The following HDAC1 variants were observed in gnomAD, a reference collection of about 807,000 sequenced individuals.
The protein encoded by HDAC1 is protein deacetylase HDAC1.
Under a neutral mutation model 65.5 loss-of-function variants are expected in HDAC1, and 18 were observed. The observed-to-expected ratio is 0.27, with a 90% CI of 0.19 to 0.41. The LOEUF is 0.41. Among genes scored for constraint, HDAC1 ranks in the 10% least tolerant of loss-of-function variants. HDAC1 has a pLI of 1.00. For missense variants in HDAC1, 373 were observed against 625.2 expected (o/e 0.60, Z 4.30); for synonymous variants, 211 against 227.9 (o/e 0.93, Z 0.67).
intron 3 of HDAC1, among the ~76,000 whole-genome samples, chr1:32,317,945 G>C (rs776880988): frequency 6.6e-6 from 1 of 152,074 alleles, no homozygotes; most frequent in Non-Finnish European, 1.5e-5. Context: ...TAGCCCCTCT[G>C]GTGTTATTTC....
intron 1 of HDAC1, 131 bp from the exon 2 acceptor site, chr1:32,302,490 T>C (rs878878549): frequency 2.3e-6 from 1 of 429,660 alleles, no homozygotes. Context: ...CTTCAAAAGG[T>C]GGGAGAGAAT....
intron 1 of HDAC1, among the ~76,000 whole-genome samples, chr1:32,299,305 A>G (rs1251603951): frequency 1.3e-5 from 2 of 151,946 alleles, no homozygotes; most frequent in Non-Finnish European, 2.9e-5. Context: ...GTTGGCCTGC[A>G]CTGTTGGAGG....
intron 1 of HDAC1, among the ~76,000 whole-genome samples, chr1:32,301,099 G>A (rs899094415): frequency 1.1e-4 from 17 of 152,190 alleles, no homozygotes; most frequent in African/African-American, 4.1e-4. Flanking sequence ...AGCAGGAGAT[G>A]AAGCTGGAAA....
At chr1:32,299,462 G>A (rs1640815906) in intron 1 of HDAC1, among the ~76,000 whole-genome samples, 1 of 152,068 alleles carries the variant, frequency 6.6e-6, no homozygotes, top group African/African-American at 2.4e-5. Flanking sequence ...CTGTCTCAGA[G>A]CCCCACCCTC....
In HDAC1 at chr1:32,333,087, T is replaced by C. The variant is rs779004814; in HGVS notation, c.*43T>C. On this transcript the variant is annotated 3_prime_UTR_variant, in exon 14 of 14. Transcript: ENST00000373548. ...TGGCTTCCTGCTGAGTCCCTCACGT[T>C]TCTTCCCCAACCCCTCAGATTTTAT... is the stretch of plus-strand genomic sequence containing the variant. 13 of 1,543,084 alleles carry C rather than the reference T, an allele frequency of 8.4e-6. No individual in the cohort carries two copies. The Admixed American group carries it at 2.2e-4, about 26-fold the overall frequency.
chr1:32,313,086 A>T (rs549795098), intron 2 of HDAC1, among the ~76,000 whole-genome samples: 6 of 149,600 alleles, frequency 4.0e-5, no homozygotes, highest in African/African-American at 1.2e-4. Flanking sequence ...ATTTTATTTT[A>T]TTTATTTATT....
rs776334603 is a variant in HDAC1, at chr1:32,327,098, C to G, written c.494+21C>G. 7 of 1,613,016 alleles carry G rather than the reference C, an allele frequency of 4.3e-6. No individual in the cohort carries two copies. In the South Asian group the frequency reaches 5.5e-5, roughly 13 times the overall value. On this transcript the variant is annotated intron_variant, in intron 5 of 13. Transcript: ENST00000373548. The surrounding 1 kb of genome is among the most constrained non-coding windows in gnomAD (Gnocchi z 6.0). ...CTAAAGTATGCCTGCCTGGCCTTGT[C>G]TCTTGGAAGAGCACCTTAGGCCAGG... is the stretch of plus-strand genomic sequence containing the variant.
intron 2 of HDAC1, among the ~76,000 whole-genome samples, chr1:32,316,436 GC>G (rs897567112): frequency 1.3e-5 from 2 of 152,228 alleles, no homozygotes; most frequent in African/African-American, 4.8e-5. Context: ...ACTTGCCTAA[GC>G]AACAGAGCTT....
intron 2 of HDAC1, among the ~76,000 whole-genome samples, chr1:32,313,505 T>G (rs1259114564): frequency 1.3e-5 from 2 of 152,158 alleles, no homozygotes; most frequent in Non-Finnish European, 2.9e-5. Context: ...TTTAAAAGGT[T>G]GTTGTAAGAA....
intron 1 of HDAC1, among the ~76,000 whole-genome samples, chr1:32,293,209 A>G (rs943205699): frequency 1.3e-5 from 2 of 150,248 alleles, no homozygotes; most frequent in Non-Finnish European, 3.0e-5. Context: ...AATCCCAGCT[A>G]CTCTGGAGCC....
chr1:32,322,738 A>T (rs1414202315), intron 3 of HDAC1, among the ~76,000 whole-genome samples: 1 of 152,148 alleles, frequency 6.6e-6, no homozygotes, highest in Non-Finnish European at 1.5e-5. Context: ...ATTAGGCCCG[A>T]AATAACTTTA....
intron 2 of HDAC1, among the ~76,000 whole-genome samples, chr1:32,316,209 G>T (rs1389664819): frequency 2.0e-5 from 3 of 151,646 alleles, no homozygotes; most frequent in African/African-American, 7.3e-5. Flanking sequence ...GCGTGAAGCC[G>T]GGAGGCGGAG....
At chr1:32,295,401 A>G (rs1214347529) in intron 1 of HDAC1, among the ~76,000 whole-genome samples, 2 of 141,922 alleles carry the variant, frequency 1.4e-5, no homozygotes, top group Non-Finnish European at 3.1e-5. Context: ...ACCTTGTGTC[A>G]AAAAAAAAAA....
rs1360644595 is a variant in HDAC1 at position 32,332,648 on chromosome 1, T to A, written c.1373-53T>A. Reference sequence around the variant, plus strand: ...GGTCTCAGGGTAAATGAAGACCTCATGGGTCTTCCCAGAGGTGCTGCCCTT... The same window carrying A: ...GGTCTCAGGGTAAATGAAGACCTCAAGGGTCTTCCCAGAGGTGCTGCCCTT... On this transcript the variant is annotated intron_variant, in intron 12 of 13. Transcript: ENST00000373548. 5 of 1,344,936 alleles carry A rather than the reference T, an allele frequency of 3.7e-6. No homozygotes were observed. In the Admixed American group the frequency reaches 9.9e-5, roughly 27 times the overall value. The allele number at this position is 1,344,936 out of a possible 1,614,324, so 83.3% of individuals were successfully genotyped here. A position where few individuals can be genotyped will look rare whatever the true frequency, so the allele number is the denominator to read the frequency against.
At chr1:32,306,099 G>A (rs2148059838) in intron 2 of HDAC1, among the ~76,000 whole-genome samples, 1 of 151,996 alleles carries the variant, frequency 6.6e-6, no homozygotes, top group South Asian at 2.1e-4. Context: ...ATTATAGTAA[G>A]TCTTGTTATC....
chr1:32,329,421 A>G lies in HDAC1; in HGVS notation c.729+261A>G. 1 of 574,180 alleles carries G rather than the reference A, an allele frequency of 1.7e-6. No homozygotes were observed. The highest frequency in any genetic ancestry group is 3.1e-6 in the Non-Finnish European group (1 of 320,094). 35.6% of individuals were successfully genotyped at this position (574,180 alleles called of 1,614,324 possible). ...TTTGCCCTCACGGACTATGGTGGGG[A>G]AGGCAGGCACATACCCAGTAGTCTA... is the stretch of plus-strand genomic sequence containing the variant. On this transcript the variant is annotated intron_variant, in intron 7 of 13. Coordinates refer to ENST00000373548, the MANE Select transcript of HDAC1 (RefSeq NM_004964.3). The surrounding 1 kb of genome is among the most constrained non-coding windows in gnomAD (Gnocchi z 4.1).
rs1380158702 is a variant in HDAC1 at position 32,304,005 on chromosome 1, G to A, written c.162+1272G>A. Among the ~76,000 whole-genome samples the A allele has an allele frequency of 3.9e-5, 6 of 152,332 alleles. No individual in the cohort carries two copies. The South Asian group carries it at 1.2e-3, about 32-fold the overall frequency. On this transcript the variant is annotated intron_variant, in intron 2 of 13. Coordinates refer to ENST00000373548, the MANE Select transcript of HDAC1 (RefSeq NM_004964.3). ...CTCTGGAGACAGTGAGGAGGAACAA[G>A]TGAAGGGTTTTAAATGAAAGAGAGA... is the stretch of plus-strand genomic sequence containing the variant.
chr1:32,293,141 T>G (rs1640720300), intron 1 of HDAC1, among the ~76,000 whole-genome samples: 1 of 151,722 alleles, frequency 6.6e-6, no homozygotes, highest in Non-Finnish European at 1.5e-5. Flanking sequence ...GCCAACATGG[T>G]GAAACCCCGT....
At chr1:32,324,046 G>A (rs1042873932) in intron 3 of HDAC1, among the ~76,000 whole-genome samples, 1 of 151,854 alleles carries the variant, frequency 6.6e-6, no homozygotes, top group East Asian at 1.9e-4. Context: ...CCTATTGGGA[G>A]GCCAAGGCAA....
Sources: allele counts gnomAD v4.1 joint callset (sites outside exome capture counted in the v4.1 genomes callset), GRCh38; gene constraint gnomAD v4.1.1; non-coding constraint Gnocchi (gnomAD v3.1); transcripts MANE v1.5; gene names NCBI Gene and HGNC (gene_info 2026-07-23, HGNC 2026-07-21).